Variants in CANX observed in about 807,000 individuals in gnomAD.
The protein encoded by CANX is epididymis secretory sperm binding protein.
CANX carries 14 observed loss-of-function variants against 75.7 expected under a neutral mutation model. The ratio of observed to expected loss-of-function variants is 0.19; its 90% CI spans 0.12 to 0.29. The LOEUF (loss-of-function observed/expected upper bound fraction) is 0.29. Ranked by LOEUF, CANX falls within the 10% of genes least tolerant of loss-of-function variation. The probability of loss-of-function intolerance (pLI) is 1.00; values close to 1 mark genes in which losing one functional copy is unlikely to be tolerated. For synonymous variants in CANX, 227 were observed against 236.9 expected (o/e 0.96, Z 0.38); for missense variants, 567 against 713.2 (o/e 0.79, Z 2.34).
chr5:179,702,210 AT>A lies in CANX; in HGVS notation c.-4+3121del, dbSNP rs879273390. Reference sequence around the variant, plus strand: ...AGGCGGATGACGCTACACTCAGCTAATTTTTTTTTTTTTCCTAATTTTTCAT... The same window carrying A: ...AGGCGGATGACGCTACACTCAGCTAATTTTTTTTTTTTCCTAATTTTTCAT... On this transcript the variant is annotated intron_variant, in intron 1 of 14. Coordinates refer to ENST00000247461, the MANE Select transcript of CANX (RefSeq NM_001746.4). Among the ~76,000 whole-genome samples the A allele has an allele frequency of 5.6e-3, 799 of 142,892 alleles. 3 individuals are homozygous for A. Among genetic ancestry groups the A allele is most frequent in the African/African-American group, 0.017 (653 of 39,016 alleles). 93.7% of individuals were successfully genotyped at this position (142,892 alleles called of 152,430 possible).
chr5:179,720,950 A>G (rs1220293291), intron 10 of CANX, among the ~76,000 whole-genome samples: 1 of 151,266 alleles, frequency 6.6e-6, no homozygotes, highest in African/African-American at 2.4e-5. Flanking sequence ...CGCCTGGCTA[A>G]TTTTTATATT....
At chr5:179,728,360 A>G (rs780406023) in intron 14 of CANX, among the ~76,000 whole-genome samples, 2 of 152,174 alleles carry the variant, frequency 1.3e-5, no homozygotes, top group African/African-American at 2.4e-5. Context: ...TATGGGTTAG[A>G]TTGAGAAAAG....
chr5:179,698,401 T>C (rs1237288667), upstream of CANX: 4 of 1,231,708 alleles, frequency 3.2e-6, no homozygotes, highest in Non-Finnish European at 3.1e-6. Flanking sequence ...CGGCGCCGGC[T>C]CACACAGCGC....
At chr5:179,710,999 T>C (rs988876732) in intron 7 of CANX, among the ~76,000 whole-genome samples, 1 of 151,892 alleles carries the variant, frequency 6.6e-6, no homozygotes, top group Non-Finnish European at 1.5e-5. Flanking sequence ...GAGGTTGCAG[T>C]TGAGTCAAGA....
chr5:179,725,655 TG>T (rs1243730536), intron 13 of CANX, among the ~76,000 whole-genome samples: 78 of 119,890 alleles, frequency 6.5e-4, no homozygotes, highest in Middle Eastern at 6.0e-3. Context: ...CACTCCAGCC[TG>T]GGTGACAGAG....
intron 14 of CANX, among the ~76,000 whole-genome samples, chr5:179,727,612 C>A (rs996256459): frequency 6.6e-6 from 1 of 152,174 alleles, no homozygotes; most frequent in African/African-American, 2.4e-5. Flanking sequence ...TTGGCTTTCC[C>A]TCCTAGTGAA....
chr5:179,701,192 G>A (rs751263517), intron 1 of CANX, among the ~76,000 whole-genome samples: 3 of 152,042 alleles, frequency 2.0e-5, no homozygotes. Context: ...GTCCCACTTT[G>A]GTTTCCGTAA....
chr5:179,682,556 C>T (rs1039612802), intron 1 of CANX, among the ~76,000 whole-genome samples: 1 of 150,882 alleles, frequency 6.6e-6, no homozygotes, highest in South Asian at 2.1e-4. Flanking sequence ...TCTCAAAATA[C>T]AAAATTAGCC....
chr5:179,682,995 C>G (rs73338115), intron 1 of CANX, among the ~76,000 whole-genome samples: 1,537 of 152,308 alleles, frequency 0.01, 42 homozygotes, highest in African/African-American at 0.035. Context: ...CTAAGCCCAC[C>G]CACCTGACTG....
rs1251891791 is a variant in CANX at position 179,723,672 on chromosome 5, G to C, written c.1411G>C (p.Gly471Arg). The change falls in exon 12 of 15, where the codon GGG becomes CGG. Residue 471 changes from glycine to arginine, a missense_variant. Around this residue, in one of 3 missense-constraint regions of CANX, gnomAD observed 167 missense variants for 179.3 expected, o/e 0.93. Transcript: ENST00000247461. Reference sequence around the variant, plus strand: ...TCTTGTTTTTCAGCCAGGCGTTGTGGGGCAGATGATCGAGGCAGCTGAAGA... The same window carrying C: ...TCTTGTTTTTCAGCCAGGCGTTGTGCGGCAGATGATCGAGGCAGCTGAAGA... ...ADGAAEPGVV[G>R]QMIEAAEERP... 2.0e-5 allele frequency: 32 copies of C among 1,613,414 alleles called. No individual in the cohort carries two copies. The highest frequency in any genetic ancestry group is 2.6e-5 in the Non-Finnish European group (31 of 1,179,790).
At chr5:179,723,517 T>G in intron 11 of CANX, 143 bp from the exon 12 acceptor site, 1 of 791,416 alleles carries the variant, frequency 1.3e-6, no homozygotes, top group Non-Finnish European at 2.0e-6. Flanking sequence ...TTCTCTAATT[T>G]CTTTTTTACA....
At chr5:179,709,547 A>T (rs1393062694) in intron 6 of CANX, 3 of 204,464 alleles carry the variant, frequency 1.5e-5, no homozygotes, top group Non-Finnish European at 1.9e-5. Context: ...TAAATTACAA[A>T]GTTGTTACCA....
intron 13 of CANX, among the ~76,000 whole-genome samples, chr5:179,725,061 C>T (rs1778559173): frequency 6.6e-6 from 1 of 152,142 alleles, no homozygotes; most frequent in Non-Finnish European, 1.5e-5. Flanking sequence ...CCCACTCTGT[C>T]ACTCAGGTTG....
At chr5:179,695,083 TCTG>T (rs1311266770), upstream of CANX, among the ~76,000 whole-genome samples, 23 of 22,468 alleles carry the variant, frequency 1.0e-3, no homozygotes, top group Non-Finnish European at 1.8e-3. Context: ...GGAATCTTGC[TCTG>T]TCTCCCAGGC....
chr5:179,682,062 C>T (rs1776077590), intron 1 of CANX, among the ~76,000 whole-genome samples: 1 of 151,370 alleles, frequency 6.6e-6, no homozygotes, highest in Non-Finnish European at 1.5e-5. Context: ...AACTGCCTGA[C>T]CAACATGGTG....
chr5:179,721,090 T>G (rs948589382), intron 10 of CANX, among the ~76,000 whole-genome samples: 11 of 151,250 alleles, frequency 7.3e-5, no homozygotes, highest in Middle Eastern at 3.6e-3. Flanking sequence ...TCAACTTTCT[T>G]TTTTTGAGAC....
chr5:179,697,747 C>T (rs1025688065), upstream of CANX, among the ~76,000 whole-genome samples: 4 of 151,986 alleles, frequency 2.6e-5, no homozygotes, highest in African/African-American at 9.7e-5. Flanking sequence ...AAAAATTAGC[C>T]GGGCGTGGTG....
At chr5:179,685,677 C>G (rs1406655908) in intron 1 of CANX, among the ~76,000 whole-genome samples, 1 of 151,396 alleles carries the variant, frequency 6.6e-6, no homozygotes, top group Non-Finnish European at 1.5e-5. Context: ...GCCTCAGCCT[C>G]CCAAGTAGCT....
chr5:179,715,410 C>A (rs958208325), intron 7 of CANX, among the ~76,000 whole-genome samples: 1 of 151,966 alleles, frequency 6.6e-6, no homozygotes, highest in Non-Finnish European at 1.5e-5. Context: ...GGCACGGGGC[C>A]GTCTGTAGTT....
Sources: allele counts gnomAD v4.1 joint callset (sites outside exome capture counted in the v4.1 genomes callset), GRCh38; gene constraint gnomAD v4.1.1; regional missense constraint gnomAD v4.1.1; transcripts MANE v1.5; gene names NCBI Gene and HGNC (gene_info 2026-07-23, HGNC 2026-07-21).